PTPRN2: variants seen among roughly 807,000 people sequenced by gnomAD.
The protein encoded by PTPRN2 is protein tyrosine phosphatase receptor type N2, also known as receptor-type tyrosine-protein phosphatase N2.
A neutral mutation model predicts 118.8 loss-of-function variants in PTPRN2; 74 were observed. That is an observed-to-expected ratio of 0.62 (90% confidence interval 0.52 to 0.76). The LOEUF (loss-of-function observed/expected upper bound fraction) is 0.76. PTPRN2 is among the 30% of genes least tolerant of loss of function. The pLI is 0.00. For missense variants in PTPRN2, 1,481 were observed against 1,394.4 expected, an observed-to-expected ratio of 1.06 and a Z score of -0.99; for synonymous variants, 641 against 608.0, an observed-to-expected ratio of 1.05 and a Z score of -0.80.
intron 11 of PTPRN2, among the ~76,000 whole-genome samples, chr7:157,943,719 T>G (rs541531886): frequency 1.4e-3 from 199 of 147,266 alleles, no homozygotes; most frequent in Middle Eastern, 6.9e-3. Flanking sequence ...CTCCCTACCC[T>G]GACGCCAAGG....
chr7:157,780,548 C>T lies in PTPRN2; in HGVS notation c.1789-97611G>A, dbSNP rs113948867. Among the ~76,000 whole-genome samples, 13,554 of 152,222 alleles carry T rather than the reference C, an allele frequency of 0.089. 747 individuals are homozygous for T. Among genetic ancestry groups the T allele is most frequent in the Middle Eastern group, 0.15 (44 of 294 alleles). ...GACCGTGGCAGCCAAGTCAGGCATA[C>T]AGCAGCCCTCTTGCTGGCTTCCAGT... On this transcript the variant is annotated intron_variant, in intron 12 of 22. Coordinates refer to ENST00000389418, the MANE Select transcript of PTPRN2 (RefSeq NM_002847.5). This position sits in a 1 kb window ranked among gnomAD's most constrained non-coding sequence, Gnocchi z 4.5.
chr7:157,832,571 C>T (rs534837253), intron 12 of PTPRN2, among the ~76,000 whole-genome samples: 5 of 152,208 alleles, frequency 3.3e-5, no homozygotes, highest in South Asian at 4.2e-4. Flanking sequence ...ACTGCACTTG[C>T]TTCTAGATGC....
chr7:157,911,947 A>C (rs1317895529), intron 11 of PTPRN2, among the ~76,000 whole-genome samples: 2 of 152,150 alleles, frequency 1.3e-5, no homozygotes, highest in Non-Finnish European at 2.9e-5. Context: ...ACTGCATTCT[A>C]TACACATGGA....
chr7:158,368,195 G>A (rs887131494), intron 2 of PTPRN2, among the ~76,000 whole-genome samples: 1 of 152,134 alleles, frequency 6.6e-6, no homozygotes, highest in Admixed American at 6.6e-5. Context: ...GTTGATTCTA[G>A]AGCCTCCTGC....
chr7:158,061,927 G>A (rs1810379076), intron 11 of PTPRN2, among the ~76,000 whole-genome samples: 1 of 152,264 alleles, frequency 6.6e-6, no homozygotes, highest in Admixed American at 6.5e-5. Flanking sequence ...ACACAATCCA[G>A]TATGACAGTT....
At chr7:157,703,351 C>A (rs1370885230) in intron 12 of PTPRN2, among the ~76,000 whole-genome samples, 2 of 152,304 alleles carry the variant, frequency 1.3e-5, no homozygotes, top group East Asian at 3.9e-4. Context: ...GTGGACAGGG[C>A]CCATGGACAG....
intron 5 of PTPRN2, among the ~76,000 whole-genome samples, chr7:158,175,244 G>C (rs1373910057): frequency 1.3e-5 from 2 of 152,204 alleles, no homozygotes; most frequent in East Asian, 3.8e-4. Flanking sequence ...CGTGCTTGCT[G>C]CCAGCCTGAC....
intron 12 of PTPRN2, among the ~76,000 whole-genome samples, chr7:157,840,843 T>C (rs1481726137): frequency 1.3e-5 from 2 of 152,220 alleles, no homozygotes. Context: ...CTCAGACCCC[T>C]CCAGGAGCCA....
intron 11 of PTPRN2, among the ~76,000 whole-genome samples, chr7:158,045,486 T>C (rs1234620896): frequency 6.6e-6 from 1 of 152,058 alleles, no homozygotes; most frequent in African/African-American, 2.4e-5. Context: ...TAGCAAGACA[T>C]GAGAAACAGG....
At chr7:157,887,320 A>G (rs760692487) in intron 12 of PTPRN2, among the ~76,000 whole-genome samples, 1 of 152,046 alleles carries the variant, frequency 6.6e-6, no homozygotes. Context: ...GCACTTTTGC[A>G]TTTAGGAGAA....
Position 157,632,843 on chromosome 7 carries a change from T to C in PTPRN2, c.2197-11334A>G, listed in dbSNP as rs943610637. Reference sequence around the variant, plus strand: ...CAATGGAAAATAATTCAGAGAATTATACTATGTTTTCCATAAATGTACAGC... The same window carrying C: ...CAATGGAAAATAATTCAGAGAATTACACTATGTTTTCCATAAATGTACAGC... On this transcript the variant is annotated intron_variant, in intron 14 of 22. Coordinates refer to ENST00000389418, the MANE Select transcript of PTPRN2 (RefSeq NM_002847.5). The surrounding 1 kb of genome is among the most constrained non-coding windows in gnomAD (Gnocchi z 4.3). Among the ~76,000 whole-genome samples, 1 of 152,250 alleles carries C rather than the reference T, an allele frequency of 6.6e-6. No individual in the cohort carries two copies. Among genetic ancestry groups the C allele is most frequent in the Non-Finnish European group, 1.5e-5 (1 of 68,046 alleles).
chr7:158,293,330 A>C (rs1406536002), intron 3 of PTPRN2, among the ~76,000 whole-genome samples: 1 of 152,166 alleles, frequency 6.6e-6, no homozygotes, highest in Non-Finnish European at 1.5e-5. Flanking sequence ...TAATCCCAGC[A>C]GTTTGGGAAG....
In PTPRN2 at chr7:158,517,607, C is replaced by A. The variant is rs1303457264; in HGVS notation, c.113-27822G>T. On this transcript the variant is annotated intron_variant, in intron 1 of 22. Transcript: ENST00000389418. The surrounding 1 kb of genome is among the most constrained non-coding windows in gnomAD (Gnocchi z 5.3). ...TTTACAAAATGCAAAGGTCATATTG[C>A]TCCTGAGCTGCAATGCCCTCAGGCA... Among the ~76,000 whole-genome samples, 2 of 152,188 alleles carry A rather than the reference C, an allele frequency of 1.3e-5. No individual in the cohort carries two copies. The highest frequency in any genetic ancestry group is 1.3e-4 in the Admixed American group (2 of 15,280).
intron 2 of PTPRN2, among the ~76,000 whole-genome samples, chr7:158,457,101 C>A (rs1818562809): frequency 6.6e-6 from 1 of 152,176 alleles, no homozygotes; most frequent in Admixed American, 6.5e-5. Context: ...GAGGGTCCAT[C>A]ATACGTCTAC....
intron 11 of PTPRN2, among the ~76,000 whole-genome samples, chr7:157,989,031 G>A (rs1329935306): frequency 4.6e-5 from 7 of 152,334 alleles, no homozygotes; most frequent in East Asian, 3.9e-4. Flanking sequence ...ATTCCTCTGC[G>A]CTAAGGAACT....
intron 1 of PTPRN2, among the ~76,000 whole-genome samples, chr7:158,536,980 G>T (rs923233665): frequency 6.6e-6 from 1 of 152,202 alleles, no homozygotes; most frequent in African/African-American, 2.4e-5. Flanking sequence ...TGTTAGGAGG[G>T]CCCTCTGGGA....
chr7:158,039,067 A>G (rs1406497127), intron 11 of PTPRN2, among the ~76,000 whole-genome samples: 1 of 152,178 alleles, frequency 6.6e-6, no homozygotes, highest in Non-Finnish European at 1.5e-5. Flanking sequence ...TATTGTGGGG[A>G]AATAGAAAAA....
intron 3 of PTPRN2, among the ~76,000 whole-genome samples, chr7:158,300,558 C>CGCCTCGCCCGCCACCCAGTCCCGCAGT (rs142611399): frequency 3.3e-5 from 5 of 152,010 alleles, no homozygotes; most frequent in South Asian, 4.1e-4. Flanking sequence ...ACGCCCACAG[C>CGCCTCGCCCGCCACCCAGTCCCGCAGT]GCCTCGCCCG....
intron 2 of PTPRN2, among the ~76,000 whole-genome samples, chr7:158,351,885 TGCTCGCCTCCTGTCC>T (rs1563190242): frequency 6.3e-5 from 2 of 31,676 alleles, no homozygotes; most frequent in South Asian, 9.9e-4. Flanking sequence ...CCCTCCTGTC[TGCTCGCCTCCTGTCC>T]GCTCCCCTCC....
Sources: gnomAD v4.1 joint callset for allele counts (sites outside exome capture counted in the v4.1 genomes callset) on GRCh38, gnomAD v4.1.1 for gene constraint, Gnocchi (gnomAD v3.1) non-coding constraint, MANE v1.5 for transcripts, NCBI Gene and HGNC (gene_info 2026-07-23, HGNC 2026-07-21) for gene names.